MYL3: variants seen among roughly 807,000 people sequenced by gnomAD.
MYL3 encodes CMLC1.
Under a neutral mutation model 21.3 loss-of-function variants are expected in MYL3, and 11 were observed. That is an observed-to-expected ratio of 0.52 (90% CI 0.32 to 0.85). MYL3 has a LOEUF of 0.85. MYL3 is among the 40% of genes least tolerant of loss of function. The pLI, the probability that MYL3 is intolerant of heterozygous loss-of-function variation, is 0.03. For missense variants in MYL3, 206 were observed against 253.3 expected (o/e 0.81, Z 1.27); for synonymous variants, 88 against 91.6 (o/e 0.96, Z 0.22).
upstream of MYL3, chr3:46,863,459 AC>A: frequency 6.4e-7 from 1 of 1,568,580 alleles, no homozygotes; most frequent in Non-Finnish European, 8.7e-7. Flanking sequence ...GAGCCGCCTC[AC>A]CCAGGCCTTT....
chr3:46,857,955 G>C lies in MYL3; in HGVS notation c.*160C>G, dbSNP rs756462246. 2 of 536,432 alleles carry C rather than the reference G, an allele frequency of 3.7e-6. No individual in the cohort carries two copies. 33.2% of individuals were successfully genotyped at this position (536,432 alleles called of 1,614,324 possible). A position where few individuals can be genotyped will look rare whatever the true frequency, so the allele number is the denominator to read the frequency against. On this transcript the variant is annotated 3_prime_UTR_variant, in exon 7 of 7. Transcript: ENST00000292327. The surrounding 1 kb of genome is among the most constrained non-coding windows in gnomAD (Gnocchi z 5.0). Reference sequence around the variant, plus strand: ...GTCACAGGTAAGCACAGCCTGAGAGGGGCCAGAGACGGCAACCACGTGGAG... The same window carrying C: ...GTCACAGGTAAGCACAGCCTGAGAGCGGCCAGAGACGGCAACCACGTGGAG...
intron 4 of MYL3, among the ~76,000 whole-genome samples, chr3:46,858,854 T>TCCTG (rs1701960723): frequency 6.6e-6 from 1 of 152,128 alleles, no homozygotes. Flanking sequence ...TCTGGTATTC[T>TCCTG]CCTGCCTCCG....
upstream of MYL3, chr3:46,863,490 T>A: frequency 2.0e-5 from 27 of 1,335,212 alleles, no homozygotes; most frequent in Non-Finnish European, 2.8e-5. Flanking sequence ...GGATACCTCA[T>A]GACCCCAGCC....
intron 6 of MYL3, 60 bp downstream of exon 6, chr3:46,858,171 T>C: frequency 6.4e-7 from 1 of 1,571,410 alleles, no homozygotes; most frequent in Non-Finnish European, 8.8e-7. Context: ...AAGTGAGCAC[T>C]GCAGCTGGTG....
Position 46,860,849 on chromosome 3 carries a change from A to G in MYL3, c.158-24T>C. The G allele has an allele frequency of 6.2e-7, 1 of 1,614,040 alleles. No homozygotes were observed. The highest frequency in any genetic ancestry group is 8.5e-7 in the Non-Finnish European group (1 of 1,179,994). ...CTCTGCCAGGAGAGGGCAGTGAGCC[A>G]CAGACACTCCCAGGGTCAGCCTACC... On this transcript the variant is annotated intron_variant, in intron 2 of 6. Coordinates refer to ENST00000292327, the MANE Select transcript of MYL3 (RefSeq NM_000258.3). The surrounding 1 kb of genome is among the most constrained non-coding windows in gnomAD (Gnocchi z 4.6).
At chr3:46,863,505 C>A, upstream of MYL3, 1 of 1,127,258 alleles carries the variant, frequency 8.9e-7, no homozygotes, top group Middle Eastern at 2.1e-4. Context: ...CCAGCCCCAC[C>A]CCTGCAGTGC....
In MYL3 at chr3:46,881,562, T is replaced by C. The variant is rs958695681; in HGVS notation, c.-218+512A>G. Among the ~76,000 whole-genome samples, 32 of 152,002 alleles carry C rather than the reference T, an allele frequency of 2.1e-4. No homozygotes were observed. The East Asian group carries it at 5.8e-3, about 28-fold the overall frequency. ...AAGCTGGAGAGGCCCGGCCAGCAGC[T>C]GAATGGGTCGAGACTCGGAGACCCG... is the stretch of plus-strand genomic sequence containing the variant. On this transcript the variant is annotated intron_variant, in intron 1 of 3. Coordinates refer to the MYL3 transcript ENST00000431168.
At chr3:46,865,494 C>A (rs1233494341), upstream of MYL3, among the ~76,000 whole-genome samples, 1 of 152,208 alleles carries the variant, frequency 6.6e-6, no homozygotes, top group Admixed American at 6.5e-5. This position sits in a 1 kb window ranked among gnomAD's most constrained non-coding sequence, Gnocchi z 4.3. Flanking sequence ...CAGCCACCCA[C>A]AGACACCGCC....
intron 1 of MYL3, chr3:46,880,927 C>T (rs2030517728): frequency 6.6e-6 from 1 of 152,140 alleles, no homozygotes; most frequent in Admixed American, 6.5e-5. Flanking sequence ...TTGCAGGCTC[C>T]GAGGAGCTCA....
intron 1 of MYL3, among the ~76,000 whole-genome samples, chr3:46,876,264 C>A (rs1238680565): frequency 6.6e-6 from 1 of 152,208 alleles, no homozygotes; most frequent in Non-Finnish European, 1.5e-5. Flanking sequence ...GAGGATGGGG[C>A]CTGTGGGCAG....
upstream of MYL3, among the ~76,000 whole-genome samples, chr3:46,865,428 C>A (rs1702038631): frequency 6.6e-6 from 1 of 152,264 alleles, no homozygotes; most frequent in Middle Eastern, 3.4e-3. The surrounding 1 kb of genome is among the most constrained non-coding windows in gnomAD (Gnocchi z 4.3). Flanking sequence ...GGAGGCCCCA[C>A]CACCCAGGCC....
intron 1 of MYL3, among the ~76,000 whole-genome samples, chr3:46,873,285 G>C (rs572949387): frequency 6.6e-6 from 1 of 152,202 alleles, no homozygotes; most frequent in Non-Finnish European, 1.5e-5. Context: ...GCTCATGGAG[G>C]GTTCAGGGAA....
rs184792459 is a variant in MYL3 at position 46,874,813 on chromosome 3, G to A, written c.-218+7261C>T. 7.2e-5 allele frequency among the ~76,000 whole-genome samples: 11 copies of A among 152,296 alleles called. No homozygotes were observed. In the East Asian group the frequency reaches 1.9e-3, roughly 27 times the overall value. ...GCGGGAAATCACACTCTACCCAGAAGGCGTCTGGGAAACAGGACCCGCTTT... is the reference window on the plus strand; with the variant it reads ...GCGGGAAATCACACTCTACCCAGAAAGCGTCTGGGAAACAGGACCCGCTTT... On this transcript the variant is annotated intron_variant, in intron 1 of 3. Transcript: ENST00000431168. This position sits in a 1 kb window ranked among gnomAD's most constrained non-coding sequence, Gnocchi z 4.1.
chr3:46,862,829 C>A (rs1702006574), intron 1 of MYL3, among the ~76,000 whole-genome samples: 1 of 152,222 alleles, frequency 6.6e-6, no homozygotes, highest in African/African-American at 2.4e-5. Context: ...AGGGGCCCTG[C>A]TTCTTCTTAC....
In MYL3 at chr3:46,859,760, C is replaced by A; in HGVS notation, c.308-112G>T. 3 of 1,270,140 alleles carry A rather than the reference C, an allele frequency of 2.4e-6. No homozygotes were observed. The highest frequency in any genetic ancestry group is 1.2e-5 in the South Asian group (1 of 82,990). 78.7% of individuals were successfully genotyped at this position (1,270,140 alleles called of 1,614,324 possible). A position where few individuals can be genotyped will look rare whatever the true frequency, so the allele number is the denominator to read the frequency against. On this transcript the variant is annotated intron_variant, in intron 3 of 6. Coordinates refer to ENST00000292327, the MANE Select transcript of MYL3 (RefSeq NM_000258.3). The surrounding 1 kb of genome is among the most constrained non-coding windows in gnomAD (Gnocchi z 4.1). The stretch of plus-strand genomic sequence containing the variant: ...ACCTCTCACACAGTTCTACAACAGT[C>A]TACACCAGTTCTCACAGCAGTCTAC...
At position 46,860,287 on chromosome 3, in the gene MYL3, C is replaced by A. The variant is rs1467380570; in HGVS notation, c.307+389G>T. Among the ~76,000 whole-genome samples, 1 of 151,994 alleles carries A rather than the reference C, an allele frequency of 6.6e-6. No individual in the cohort carries two copies. The highest frequency in any genetic ancestry group is 2.4e-5 in the African/African-American group (1 of 41,346). Reference sequence around the variant, plus strand: ...GGGACCATAGGTGCATGTCACCATGCCAAGCTAAATTTTTAATTTTTGTAG... The same window carrying A: ...GGGACCATAGGTGCATGTCACCATGACAAGCTAAATTTTTAATTTTTGTAG... On this transcript the variant is annotated intron_variant, in intron 3 of 6. Coordinates refer to ENST00000292327, the MANE Select transcript of MYL3 (RefSeq NM_000258.3). This position sits in a 1 kb window ranked among gnomAD's most constrained non-coding sequence, Gnocchi z 4.6.
chr3:46,861,897 G>C lies in MYL3; in HGVS notation c.130-910C>G, dbSNP rs2106912164. 6.6e-6 allele frequency among the ~76,000 whole-genome samples: 1 copy of C among 152,350 alleles called. No individual in the cohort carries two copies. Among genetic ancestry groups the C allele is most frequent in the South Asian group, 2.1e-4 (1 of 4,830 alleles). On this transcript the variant is annotated intron_variant, in intron 1 of 6. Transcript: ENST00000292327. This position sits in a 1 kb window ranked among gnomAD's most constrained non-coding sequence, Gnocchi z 4.2. ...AATCTCCACAGTGCATGCCGGCACA[G>C]AGGGACACCCTGTTCAGGGCCACCC...
At position 46,857,975 on chromosome 3, in the gene MYL3, G is replaced by A. The variant is rs764865767; in HGVS notation, c.*140C>T. On this transcript the variant is annotated 3_prime_UTR_variant, in exon 7 of 7. Transcript: ENST00000292327. The surrounding 1 kb of genome is among the most constrained non-coding windows in gnomAD (Gnocchi z 5.0). ...GAGAGGGGCCAGAGACGGCAACCACGTGGAGAGGTCCAAGGGTTTTTGCAG... is the reference window on the plus strand; with the variant it reads ...GAGAGGGGCCAGAGACGGCAACCACATGGAGAGGTCCAAGGGTTTTTGCAG... 60 of 561,176 alleles carry A rather than the reference G, an allele frequency of 1.1e-4. No homozygotes were observed. The highest frequency in any genetic ancestry group is 9.6e-4 in the Middle Eastern group (2 of 2,080). 34.8% of individuals were successfully genotyped at this position (561,176 alleles called of 1,614,324 possible).
upstream of MYL3, among the ~76,000 whole-genome samples, chr3:46,867,901 C>T (rs1702063596): frequency 6.6e-6 from 1 of 152,244 alleles, no homozygotes; most frequent in Admixed American, 6.5e-5. Flanking sequence ...ACACTGGACA[C>T]CCATGAACAC....
Sources: allele counts gnomAD v4.1 joint callset (sites outside exome capture counted in the v4.1 genomes callset), GRCh38; gene constraint gnomAD v4.1.1; non-coding constraint Gnocchi (gnomAD v3.1); transcripts MANE v1.5; gene names NCBI Gene and HGNC (gene_info 2026-07-23, HGNC 2026-07-21).